Variants in KCNQ1OT1 observed in about 807,000 individuals in gnomAD.
The protein encoded by KCNQ1OT1 is KCNQ1 opposite strand/antisense transcript 1.
chr11:2,634,400 T>G, exon 1 of KCNQ1OT1: 1 of 177,288 alleles, frequency 5.6e-6, no homozygotes, highest in Non-Finnish European at 1.0e-5. Context: ...CATTGTTCAG[T>G]TCCCACCTAC....
exon 1 of KCNQ1OT1, chr11:2,614,643 C>T (rs1209974035): frequency 2.5e-6 from 1 of 398,438 alleles, no homozygotes; most frequent in Non-Finnish European, 4.4e-6. Flanking sequence ...CTACTCTTCC[C>T]ACTGAATTCT....
chr11:2,667,322 G>A (rs1419402941), exon 1 of KCNQ1OT1: 1 of 398,608 alleles, frequency 2.5e-6, no homozygotes, highest in Non-Finnish European at 4.4e-6. Flanking sequence ...TGGCCCAGAA[G>A]AAAGCAGTGA....
At chr11:2,631,227 C>G in exon 1 of KCNQ1OT1, 2 of 398,522 alleles carry the variant, frequency 5.0e-6, no homozygotes, top group Non-Finnish European at 8.8e-6. Context: ...TGAACATTAA[C>G]TCTCCTGATG....
In KCNQ1OT1 at chr11:2,699,277, C is replaced by G. The variant is rs78369463; in HGVS notation, n.718G>C. 2.3e-3 allele frequency: 914 copies of G among 398,910 alleles called. 8 individuals are homozygous for G. Among genetic ancestry groups the G allele is most frequent in the Non-Finnish European group, 1.9e-3 (420 of 226,244 alleles). The allele number at this position is 398,910 out of a possible 1,614,324, so 24.7% of individuals were successfully genotyped here. A position where few individuals can be genotyped will look rare whatever the true frequency, so the allele number is the denominator to read the frequency against. ...ATGGGAGCGCACTGCCCAGGCCAGG[C>G]TGCACTGCTGACGCCTGTGATCTGG... On this transcript the variant is annotated non_coding_transcript_exon_variant, in exon 1 of 1. Coordinates refer to ENST00000597346, the Ensembl canonical transcript of KCNQ1OT1.
At position 2,668,405 on chromosome 11, in the gene KCNQ1OT1, C is replaced by G. The variant is rs1183587925; in HGVS notation, n.31590G>C. 2.5e-6 allele frequency: 1 copy of G among 398,478 alleles called. No individual in the cohort carries two copies. Among genetic ancestry groups the G allele is most frequent in the Non-Finnish European group, 4.4e-6 (1 of 226,072 alleles). The allele number at this position is 398,478 out of a possible 1,614,324, so 24.7% of individuals were successfully genotyped here. ...CAGCAGTCTACCAAAGGAGTCATTCCAATTTTCATTCCCACAGGCAGCATT... is the reference window on the plus strand; with the variant it reads ...CAGCAGTCTACCAAAGGAGTCATTCGAATTTTCATTCCCACAGGCAGCATT... On this transcript the variant is annotated non_coding_transcript_exon_variant, in exon 1 of 1. Coordinates refer to ENST00000597346, the Ensembl canonical transcript of KCNQ1OT1. This position sits in a 1 kb window ranked among gnomAD's most constrained non-coding sequence, Gnocchi z 4.3.
exon 1 of KCNQ1OT1, chr11:2,692,156 C>T: frequency 2.5e-6 from 1 of 398,714 alleles, no homozygotes; most frequent in Non-Finnish European, 4.4e-6. Context: ...CTTTCAGTGT[C>T]ACCCATCCTT....
rs1849086184 is a variant in KCNQ1OT1 at position 2,617,494 on chromosome 11, G to T, written n.82501C>A. 4 of 398,282 alleles carry T rather than the reference G, an allele frequency of 1.0e-5. No individual in the cohort carries two copies. Among genetic ancestry groups the T allele is most frequent in the South Asian group, 1.3e-4 (1 of 7,850 alleles). The allele number at this position is 398,282 out of a possible 1,614,324, so 24.7% of individuals were successfully genotyped here. A position where few individuals can be genotyped will look rare whatever the true frequency, so the allele number is the denominator to read the frequency against. ...ATGGACACGTAAGTTTTCATATCGT[G>T]ACTCATGCATATAATGCCACAATGA... On this transcript the variant is annotated non_coding_transcript_exon_variant, in exon 1 of 1. Coordinates refer to ENST00000597346, the Ensembl canonical transcript of KCNQ1OT1. This position sits in a 1 kb window ranked among gnomAD's most constrained non-coding sequence, Gnocchi z 4.6.
At chr11:2,667,599 G>A (rs1170145892) in exon 1 of KCNQ1OT1, 2 of 398,496 alleles carry the variant, frequency 5.0e-6, no homozygotes, top group Non-Finnish European at 8.8e-6. Context: ...GGTTGGGCGG[G>A]GGGCACATCC....
exon 1 of KCNQ1OT1, chr11:2,616,628 G>C: frequency 2.5e-6 from 1 of 398,022 alleles, no homozygotes; most frequent in East Asian, 3.6e-5. Flanking sequence ...TTTCCCTTCT[G>C]ATGTCTTCTT....
chr11:2,699,713 G>A lies in KCNQ1OT1; in HGVS notation n.282C>T, dbSNP rs551921146. On this transcript the variant is annotated non_coding_transcript_exon_variant, in exon 1 of 1. Coordinates refer to ENST00000597346, the Ensembl canonical transcript of KCNQ1OT1. ...CGGGTGCCCCGAGGAGAACGGCGCC[G>A]AGGAGTCCCCGGGGAGAACTGCGCC... The A allele has an allele frequency of 1.0e-4, 25 of 238,424 alleles. No homozygotes were observed. In the South Asian group the frequency reaches 5.9e-3, roughly 56 times the overall value. 14.8% of individuals were successfully genotyped at this position (238,424 alleles called of 1,614,324 possible).
chr11:2,699,886 G>A (rs1167528855), exon 1 of KCNQ1OT1: 9 of 398,294 alleles, frequency 2.3e-5, no homozygotes, highest in Non-Finnish European at 4.0e-5. Context: ...GCCCCGGGGA[G>A]GACCACGCTG....
In KCNQ1OT1 at chr11:2,664,434, C is replaced by G; in HGVS notation, n.35561G>C. ...CACGTACAGTGTCAGGGCCTAGGAA[C>G]CCAGGCTCCTCTGGGATACAGGCTG... On this transcript the variant is annotated non_coding_transcript_exon_variant, in exon 1 of 1. Transcript: ENST00000597346. This position sits in a 1 kb window ranked among gnomAD's most constrained non-coding sequence, Gnocchi z 5.1. 2.5e-6 allele frequency: 1 copy of G among 398,614 alleles called. No individual in the cohort carries two copies. Among genetic ancestry groups the G allele is most frequent in the Non-Finnish European group, 4.4e-6 (1 of 226,106 alleles). 24.7% of individuals were successfully genotyped at this position (398,614 alleles called of 1,614,324 possible).
At chr11:2,648,287 C>A (rs560388702) in exon 1 of KCNQ1OT1, 4 of 398,388 alleles carry the variant, frequency 1.0e-5, no homozygotes, top group Admixed American at 4.4e-5. Context: ...CTGCTCTGAT[C>A]TTTACTATTT....
In KCNQ1OT1 at chr11:2,651,955, G is replaced by C; in HGVS notation, n.48040C>G. ...CACAGCCCTCCTGCAGCCAGCAGCA[G>C]TGGGGGAGCCAAGCTGAGTTGATTA... On this transcript the variant is annotated non_coding_transcript_exon_variant, in exon 1 of 1. Coordinates refer to ENST00000597346, the Ensembl canonical transcript of KCNQ1OT1. This position sits in a 1 kb window ranked among gnomAD's most constrained non-coding sequence, Gnocchi z 6.1. 1 of 398,730 alleles carries C rather than the reference G, an allele frequency of 2.5e-6. No homozygotes were observed. 24.7% of individuals were successfully genotyped at this position (398,730 alleles called of 1,614,324 possible).
exon 1 of KCNQ1OT1, chr11:2,633,790 TC>T (rs1849403710): frequency 5.0e-6 from 2 of 398,480 alleles, no homozygotes; most frequent in African/African-American, 4.1e-5. Context: ...GGGGATTGCT[TC>T]CGAGACCCCC....
At chr11:2,644,800 T>A in exon 1 of KCNQ1OT1, 1 of 398,642 alleles carries the variant, frequency 2.5e-6, no homozygotes, top group Non-Finnish European at 4.4e-6. Flanking sequence ...TCCATGGAAT[T>A]TTTTTCAGCT....
chr11:2,642,267 T>C lies in KCNQ1OT1; in HGVS notation n.57728A>G. On this transcript the variant is annotated non_coding_transcript_exon_variant, in exon 1 of 1. Transcript: ENST00000597346. The surrounding 1 kb of genome is among the most constrained non-coding windows in gnomAD (Gnocchi z 4.3). Reference sequence around the variant, plus strand: ...ATCCATGAGAATGGGATGTTTTTTGTGTGTTCTTTTCAATTTCTTTCATCA... The same window carrying C: ...ATCCATGAGAATGGGATGTTTTTTGCGTGTTCTTTTCAATTTCTTTCATCA... 2.5e-6 allele frequency: 1 copy of C among 398,340 alleles called. No homozygotes were observed. The highest frequency in any genetic ancestry group is 4.4e-6 in the Non-Finnish European group (1 of 225,872). The allele number at this position is 398,340 out of a possible 1,614,324, so 24.7% of individuals were successfully genotyped here. A position where few individuals can be genotyped will look rare whatever the true frequency, so the allele number is the denominator to read the frequency against.
chr11:2,696,380 C>A lies in KCNQ1OT1; in HGVS notation n.3615G>T, dbSNP rs538775773. On this transcript the variant is annotated non_coding_transcript_exon_variant, in exon 1 of 1. Transcript: ENST00000597346. ...GAACAGTCCCCACTGATATGTGGTG[C>A]CACCTTTATCACATGTCCCCTTCCT... The A allele has an allele frequency of 4.3e-5, 17 of 398,636 alleles. No individual in the cohort carries two copies. In the South Asian group the frequency reaches 2.0e-3, roughly 48 times the overall value. The allele number at this position is 398,636 out of a possible 1,614,324, so 24.7% of individuals were successfully genotyped here.
At chr11:2,618,336 T>A in exon 1 of KCNQ1OT1, 1 of 398,592 alleles carries the variant, frequency 2.5e-6, no homozygotes, top group Non-Finnish European at 4.4e-6. Flanking sequence ...TTCAATGTTT[T>A]AACAAAGTTT....
Sources: gnomAD v4.1 joint callset for allele counts on GRCh38, gnomAD v4.1.1 for gene constraint, Gnocchi (gnomAD v3.1) non-coding constraint, MANE v1.5 for transcripts, NCBI Gene and HGNC (gene_info 2026-07-23, HGNC 2026-07-21) for gene names.